RFLNA: variants seen among roughly 807,000 people sequenced by gnomAD.
RFLNA encodes refilin A, also known as refilin-A.
In RFLNA, 5 loss-of-function variants were observed where a neutral mutation model predicts 7.8. The observed-to-expected ratio is 0.64, with a 90% confidence interval of 0.34 to 1.35. RFLNA has a LOEUF of 1.35. RFLNA is among the 40% of genes most tolerant of loss of function. The pLI, the probability that RFLNA is intolerant of heterozygous loss-of-function variation, is 0.04. For missense variants in RFLNA, 278 were observed against 305.5 expected (o/e 0.91, Z 0.67); for synonymous variants, 141 against 131.3 (o/e 1.07, Z -0.50).
chr12:124,302,651 C>T (rs11057575), intron 1 of RFLNA, among the ~76,000 whole-genome samples: 149,435 of 152,302 alleles, frequency 0.98, 73,377 homozygotes, highest in Middle Eastern at 1. Context: ...TTCATCTTCC[C>T]CATGGGTGAT....
chr12:124,309,271 A>G (rs2034193488), intron 1 of RFLNA, among the ~76,000 whole-genome samples: 1 of 152,186 alleles, frequency 6.6e-6, no homozygotes, highest in Non-Finnish European at 1.5e-5. Context: ...CTGGTGGTCA[A>G]ACCCTTCTCG....
intron 1 of RFLNA, among the ~76,000 whole-genome samples, chr12:124,300,633 T>C (rs889209445): frequency 6.6e-6 from 1 of 150,526 alleles, no homozygotes; most frequent in African/African-American, 2.5e-5. Flanking sequence ...GGTGGATGGA[T>C]GGATGGATGG....
chr12:124,311,940 C>A lies in RFLNA; in HGVS notation c.317+13C>A, dbSNP rs778627507. On this transcript the variant is annotated intron_variant, in intron 2 of 2. Coordinates refer to ENST00000546355, the MANE Select transcript of RFLNA (RefSeq NM_001365156.1). ...CGCATGAGATCCGGTGAGTGGGCCA[C>A]TGGGCTCTGCGCGGGAGGAGGGGGT... 1.1e-6 allele frequency: 1 copy of A among 951,864 alleles called. No homozygotes were observed. The highest frequency in any genetic ancestry group is 5.7e-5 in the East Asian group (1 of 17,520). 59.0% of individuals were successfully genotyped at this position (951,864 alleles called of 1,614,324 possible). A position where few individuals can be genotyped will look rare whatever the true frequency, so the allele number is the denominator to read the frequency against.
At chr12:124,291,478 A>G (rs375605421), upstream of RFLNA, among the ~76,000 whole-genome samples, 1 of 152,162 alleles carries the variant, frequency 6.6e-6, no homozygotes, top group African/African-American at 2.4e-5. Flanking sequence ...GCTGGTCTCA[A>G]ACTCCTGACC....
At chr12:124,308,532 G>A (rs2034178421) in intron 1 of RFLNA, among the ~76,000 whole-genome samples, 1 of 152,238 alleles carries the variant, frequency 6.6e-6, no homozygotes, top group African/African-American at 2.4e-5. Context: ...CTTCTCTCCA[G>A]GACTTCTGGG....
chr12:124,303,109 G>A (rs1216826576), intron 1 of RFLNA, among the ~76,000 whole-genome samples: 1 of 152,122 alleles, frequency 6.6e-6, no homozygotes, highest in Non-Finnish European at 1.5e-5. Flanking sequence ...GCGCTGTGTC[G>A]CCCAGGCTGT....
intron 1 of RFLNA, among the ~76,000 whole-genome samples, chr12:124,309,105 C>T (rs954614685): frequency 5.3e-5 from 8 of 152,112 alleles, no homozygotes; most frequent in Admixed American, 1.3e-4. Context: ...GGGCTGAGGG[C>T]GTGCGGGTGT....
At chr12:124,303,587 T>C (rs1332337482) in intron 1 of RFLNA, among the ~76,000 whole-genome samples, 1 of 152,194 alleles carries the variant, frequency 6.6e-6, no homozygotes, top group Non-Finnish European at 1.5e-5. Context: ...CCCTCCTGTG[T>C]GCCCGAGAAG....
chr12:124,295,809 AG>A (rs892044142), intron 1 of RFLNA, among the ~76,000 whole-genome samples, 173 bp downstream of exon 1: 5 of 151,906 alleles, frequency 3.3e-5, no homozygotes, highest in African/African-American at 1.2e-4. Flanking sequence ...CAGGGTGTGT[AG>A]GGGGAGGTGA....
At chr12:124,309,247 C>T (rs1593037377) in intron 1 of RFLNA, among the ~76,000 whole-genome samples, 1 of 152,202 alleles carries the variant, frequency 6.6e-6, no homozygotes, top group African/African-American at 2.4e-5. Flanking sequence ...CACAGGGAAG[C>T]ACTCCCTGAT....
In RFLNA at chr12:124,311,852, A is replaced by G; in HGVS notation, c.242A>G (p.Glu81Gly). The G allele has an allele frequency of 1.3e-6, 2 of 1,599,372 alleles. No homozygotes were observed. The highest frequency in any genetic ancestry group is 1.7e-6 in the Non-Finnish European group (2 of 1,173,496). Reference protein sequence around the residue: ...PSQLPNPPASEMRPRMLPVFF... With the variant: ...PSQLPNPPASGMRPRMLPVFF... ...CAACTCCCAAATCCCCCGGCGTCGGAGATGAGGCCCCGGATGCTGCCAGTG... is the reference window on the plus strand; with the variant it reads ...CAACTCCCAAATCCCCCGGCGTCGGGGATGAGGCCCCGGATGCTGCCAGTG... Residue 81 changes from glutamate (E) to glycine (G), a missense_variant, in exon 2 of 3, where the codon GAG becomes GGG. Glu to Gly is a moderately conservative substitution (Grantham distance 98). Coordinates refer to ENST00000546355, the MANE Select transcript of RFLNA (RefSeq NM_001365156.1).
In RFLNA at chr12:124,295,592, G is replaced by A; in HGVS notation, c.163G>A (p.Ala55Thr). The A allele has an allele frequency of 8.1e-7, 1 of 1,242,178 alleles. No individual in the cohort carries two copies. Among genetic ancestry groups the A allele is most frequent in the Non-Finnish European group, 1.0e-6 (1 of 992,780 alleles). The allele number at this position is 1,242,178 out of a possible 1,614,324, so 76.9% of individuals were successfully genotyped here. A position where few individuals can be genotyped will look rare whatever the true frequency, so the allele number is the denominator to read the frequency against. The change falls in exon 1 of 3, where the codon GCC becomes ACC. Residue 55 changes from alanine to threonine, a missense_variant. By Grantham distance (58) the Ala-to-Thr change is moderately conservative (BLOSUM62 0). Transcript: ENST00000546355. ...PGILDARAGGAGASSEPPGPS... is the reference protein window; with the variant it reads ...PGILDARAGGTGASSEPPGPS... Reference sequence around the variant, plus strand: ...CATCCTCGACGCGCGCGCGGGGGGCGCCGGCGCCTCCTCGGAGCCCCCGGG... The same window carrying A: ...CATCCTCGACGCGCGCGCGGGGGGCACCGGCGCCTCCTCGGAGCCCCCGGG...
upstream of RFLNA, among the ~76,000 whole-genome samples, chr12:124,292,246 G>C (rs2033835382): frequency 6.6e-6 from 1 of 151,910 alleles, no homozygotes; most frequent in African/African-American, 2.4e-5. Context: ...ACAGCATAAG[G>C]GCCTCCGTAG....
Position 124,314,549 on chromosome 12 carries a change from G to A in RFLNA, c.*24G>A. 6.5e-7 allele frequency: 1 copy of A among 1,548,530 alleles called. No individual in the cohort carries two copies. The highest frequency in any genetic ancestry group is 8.7e-7 in the Non-Finnish European group (1 of 1,153,282). On this transcript the variant is annotated 3_prime_UTR_variant, in exon 3 of 3. Coordinates refer to ENST00000546355, the MANE Select transcript of RFLNA (RefSeq NM_001365156.1). Reference sequence around the variant, plus strand: ...GACGGGGCTGGGGCCGGCCCGGGGTGCTGGAGGAGCCGGGAGCCCTGGGGA... The same window carrying A: ...GACGGGGCTGGGGCCGGCCCGGGGTACTGGAGGAGCCGGGAGCCCTGGGGA...
At chr12:124,303,307 G>A (rs1223207944) in intron 1 of RFLNA, among the ~76,000 whole-genome samples, 1 of 152,166 alleles carries the variant, frequency 6.6e-6, no homozygotes, top group Non-Finnish European at 1.5e-5. Flanking sequence ...TCCAGCCAGC[G>A]AGTGTTCATC....
At chr12:124,296,096 C>CTT (rs368763665) in intron 1 of RFLNA, among the ~76,000 whole-genome samples, 10 of 5,952 alleles carry the variant, frequency 1.7e-3, no homozygotes, top group African/African-American at 2.2e-3. Context: ...TTCTTTCTTT[C>CTT]TTTCTTTCTT....
chr12:124,300,738 GGA>G (rs2034016140), intron 1 of RFLNA, among the ~76,000 whole-genome samples: 1 of 21,506 alleles, frequency 4.6e-5, no homozygotes, highest in Non-Finnish European at 3.0e-4. Context: ...ATGCATGGAT[GGA>G]TGGATGGATG....
rs749524828 is a variant in RFLNA, at chr12:124,314,337, C to T, written c.463C>T (p.Leu155=). ...GCGCAACTACCGCAGCCAGCTGACC[C>T]TGGAGCCACGCCCGCGCGCCCTGCG... ...TWRNYRSQLT[L]EPRPRALRFR... Residue 155 remains leucine (L), a synonymous_variant, in exon 3 of 3, where the codon CTG becomes TTG. Coordinates refer to ENST00000546355, the MANE Select transcript of RFLNA (RefSeq NM_001365156.1). 5.0e-5 allele frequency: 80 copies of T among 1,613,384 alleles called. No individual in the cohort carries two copies. Among genetic ancestry groups the T allele is most frequent in the Non-Finnish European group, 6.7e-5 (79 of 1,180,010 alleles).
At chr12:124,295,042 G>T (rs531341381), upstream of RFLNA, among the ~76,000 whole-genome samples, 9 of 151,992 alleles carry the variant, frequency 5.9e-5, no homozygotes, top group African/African-American at 2.2e-4. Context: ...GCGGGGAGAG[G>T]AAGGGGGAGG....
Sources: gnomAD v4.1 joint callset for allele counts (sites outside exome capture counted in the v4.1 genomes callset) on GRCh38, gnomAD v4.1.1 for gene constraint, MANE v1.5 for transcripts, NCBI Gene and HGNC (gene_info 2026-07-23, HGNC 2026-07-21) for gene names.